The following RNF213 variants were observed in gnomAD, a reference collection of about 807,000 sequenced individuals.
RNF213 encodes the protein ring finger protein 213, also known as E3 ubiquitin-protein ligase RNF213.
A neutral mutation model predicts 514.4 loss-of-function variants in RNF213; 341 were observed. The ratio of observed to expected loss-of-function variants is 0.66; its 90% CI spans 0.61 to 0.73. RNF213 has a LOEUF of 0.73. Ranked by LOEUF, RNF213 falls within the 30% of genes least tolerant of loss-of-function variation. The pLI is 0.00. For missense variants in RNF213, 5,767 were observed against 6,615.6 expected (o/e 0.87, Z 4.45); for synonymous variants, 2,655 against 2,658.2 (o/e 1.00, Z 0.04).
intron 15 of RNF213, chr17:80,315,766 ATGCTGGTGGTGGTGGTGGTGGTGG>A (rs2045907955): frequency 8.8e-4 from 19 of 21,612 alleles, no homozygotes; most frequent in African/African-American, 2.8e-3. Context: ...GACAGTGGTG[ATGCTGGTGGTGGTGGTGGTGGTGG>A]TGGTGGTGGT....
rs1199109898 is a variant in RNF213 at position 80,288,677 on chromosome 17, C to T, written c.855C>T (p.Ala285=). Residue 285 remains alanine, a synonymous_variant, in exon 5 of 68, where the codon GCC becomes GCT. Coordinates refer to ENST00000582970, the MANE Select transcript of RNF213 (RefSeq NM_001256071.3). The surrounding 1 kb of genome is among the most constrained non-coding windows in gnomAD (Gnocchi z 4.9). The stretch of plus-strand genomic sequence containing the variant: ...AGCCAGCCAATGCAGTTAAAGGGGC[C>T]GGGAAGGAAATGAAAGAGAAGACCC... ...VAEPANAVKG[A]GKEMKEKTQR... The T allele has an allele frequency of 1.9e-5, 30 of 1,613,982 alleles. No homozygotes were observed. The highest frequency in any genetic ancestry group is 3.3e-5 in the Admixed American group (2 of 59,982).
intron 28 of RNF213, among the ~76,000 whole-genome samples, chr17:80,344,233 A>G (rs528492291): frequency 6.6e-6 from 1 of 152,304 alleles, no homozygotes; most frequent in Admixed American, 6.5e-5. Context: ...TGTCTTCAAT[A>G]TTTCTGTTCA....
Position 80,339,603 on chromosome 17 carries a change from G to A in RNF213, c.5236G>A (p.Val1746Met). Reference protein sequence around the residue: ...CTLRDVLRASVGCGSEAARYR... With the variant: ...CTLRDVLRASMGCGSEAARYR... ...CCTGAGGGATGTCTTAAGGGCCTCT[G>A]TGGGGTGTGGGAGTGAGGCCGCCAG... Residue 1746 changes from valine (V) to methionine (M), a missense_variant, in exon 26 of 68, where the codon GTG (valine) becomes ATG (methionine). This residue lies in a region of RNF213 where 1,377 missense variants were observed against 1,635.2 expected (regional missense o/e 0.84). Transcript: ENST00000582970. The A allele has an allele frequency of 6.5e-7, 1 of 1,537,252 alleles. No homozygotes were observed. Among genetic ancestry groups the A allele is most frequent in the African/African-American group, 1.4e-5 (1 of 73,176 alleles).
At chr17:80,282,426 T>A (rs1405341831) in intron 3 of RNF213, among the ~76,000 whole-genome samples, 1 of 152,140 alleles carries the variant, frequency 6.6e-6, no homozygotes, top group Non-Finnish European at 1.5e-5. Context: ...TGAGATGGAG[T>A]CTCACTCTGT....
chr17:80,377,736 C>A lies in RNF213; in HGVS notation c.13511-26C>A. 6.2e-7 allele frequency: 1 copy of A among 1,613,988 alleles called. No individual in the cohort carries two copies. On this transcript the variant is annotated intron_variant, in intron 53 of 67. Transcript: ENST00000582970. The surrounding 1 kb of genome is among the most constrained non-coding windows in gnomAD (Gnocchi z 4.1). ...GGTCATTGGGTGAAACCTCATTAGC[C>A]AATGTGTGTCCTGTTCTCTTCACAG...
At chr17:80,390,907 C>T (rs1405186128) in intron 67 of RNF213, among the ~76,000 whole-genome samples, 1 of 151,722 alleles carries the variant, frequency 6.6e-6, no homozygotes, top group Non-Finnish European at 1.5e-5. Context: ...ACTAAAAATA[C>T]AAAAATTAGC....
chr17:80,293,036 T>A (rs1159897309), intron 8 of RNF213, among the ~76,000 whole-genome samples: 2 of 152,098 alleles, frequency 1.3e-5, no homozygotes, highest in Non-Finnish European at 2.9e-5. Flanking sequence ...AGAGTATATA[T>A]TTTTTCGTTT....
At chr17:80,321,482 T>TGTGTGG (rs1491350233) in intron 17 of RNF213, 1 of 152,214 alleles carries the variant, frequency 6.6e-6, no homozygotes, top group Non-Finnish European at 1.5e-5. Context: ...TACATATTTA[T>TGTGTGG]GTGTGGGTGT....
chr17:80,321,367 C>A (rs1326962170), intron 17 of RNF213: 1 of 152,178 alleles, frequency 6.6e-6, no homozygotes, highest in Non-Finnish European at 1.5e-5. Context: ...ACCTATATTT[C>A]ATTTTTTTCC....
At chr17:80,352,797 TTCCAG>T in intron 32 of RNF213, 138 bp from the exon 33 acceptor site, 1 of 1,299,738 alleles carries the variant, frequency 7.7e-7, no homozygotes, top group African/African-American at 1.4e-5. Context: ...CGCAGGCCCA[TTCCAG>T]GGTTTCGGCT....
chr17:80,363,864 G>C (rs764768461), intron 41 of RNF213, 74 bp downstream of exon 41: 15 of 1,441,732 alleles, frequency 1.0e-5, no homozygotes, highest in African/African-American at 4.2e-5. Context: ...TGCCAGGCAT[G>C]TCCATGAGAA....
chr17:80,374,715 T>C, intron 50 of RNF213, 126 bp downstream of exon 50: 1 of 1,200,284 alleles, frequency 8.3e-7, no homozygotes, highest in Non-Finnish European at 1.2e-6. Context: ...TGACACTGTA[T>C]TGGAAGTCAC....
chr17:80,281,311 C>G, intron 3 of RNF213, among the ~76,000 whole-genome samples: 1 of 82,872 alleles, frequency 1.2e-5, no homozygotes, highest in Non-Finnish European at 2.6e-5. Context: ...CACACACATA[C>G]CCCACTCACA....
rs922091393 is a variant in RNF213, at chr17:80,355,397, A to C, written c.10862+821A>C. 3.3e-3 allele frequency: 572 copies of C among 173,106 alleles called. 15 individuals are homozygous for C. The highest frequency in any genetic ancestry group is 0.012 in the South Asian group (333 of 28,934). The allele number at this position is 173,106 out of a possible 1,614,324, so 10.7% of individuals were successfully genotyped here. A position where few individuals can be genotyped will look rare whatever the true frequency, so the allele number is the denominator to read the frequency against. On this transcript the variant is annotated intron_variant, in intron 36 of 67. Transcript: ENST00000582970. ...GCTTACAGGGGAAGAAGCGGGGTGA[A>C]TGGGAATGGGGGCTCACGGAGGAAG...
At chr17:80,281,487 T>C (rs114650825) in intron 3 of RNF213, among the ~76,000 whole-genome samples, 88 of 18,152 alleles carry the variant, frequency 4.8e-3, no homozygotes, top group South Asian at 6.6e-3. Context: ...CCCCCCAACA[T>C]ACATACACCC....
rs958156088 is a variant in RNF213 at position 80,397,718 on chromosome 17, G to A, written c.*4220G>A. On this transcript the variant is annotated 3_prime_UTR_variant, in exon 68 of 68. Transcript: ENST00000582970. ...AGACATGAGTCTTGCCGAAGCGCCCGGCTGAATAAAGCCCTTCTTTAACTC... is the reference window on the plus strand; with the variant it reads ...AGACATGAGTCTTGCCGAAGCGCCCAGCTGAATAAAGCCCTTCTTTAACTC... 10 of 151,544 alleles carry A rather than the reference G, an allele frequency of 6.6e-5. No individual in the cohort carries two copies. Among genetic ancestry groups the A allele is most frequent in the East Asian group, 2.0e-4 (1 of 5,126 alleles). The allele number at this position is 151,544 out of a possible 1,614,324, so 9.4% of individuals were successfully genotyped here.
intron 38 of RNF213, among the ~76,000 whole-genome samples, chr17:80,361,257 G>A (rs924910061): frequency 6.6e-6 from 1 of 152,174 alleles, no homozygotes; most frequent in Admixed American, 6.5e-5. Context: ...TAGGCCAGGC[G>A]CAGTGGTTCA....
At chr17:80,278,233 C>T (rs565764790) in intron 3 of RNF213, among the ~76,000 whole-genome samples, 6 of 150,240 alleles carry the variant, frequency 4.0e-5, no homozygotes, top group South Asian at 2.1e-4. Flanking sequence ...TGAGGTCTCC[C>T]GGCGATGCCC....
At chr17:80,284,512 C>G (rs1285382745) in intron 3 of RNF213, among the ~76,000 whole-genome samples, 7 of 151,964 alleles carry the variant, frequency 4.6e-5, no homozygotes, top group African/African-American at 1.7e-4. Flanking sequence ...CCACTGCACT[C>G]CAGCCTGGGT....
Sources: allele counts gnomAD v4.1 joint callset (sites outside exome capture counted in the v4.1 genomes callset), GRCh38; gene constraint gnomAD v4.1.1; regional missense constraint gnomAD v4.1.1; non-coding constraint Gnocchi (gnomAD v3.1); transcripts MANE v1.5; gene names NCBI Gene and HGNC (gene_info 2026-07-23, HGNC 2026-07-21).